PIP5KL1: variants seen among roughly 807,000 people sequenced by gnomAD.
PIP5KL1 encodes the protein phosphatidylinositol 4-phosphate 5-kinase-like protein 1.
Under a neutral mutation model 47.6 loss-of-function variants are expected in PIP5KL1, and 45 were observed. That is an observed-to-expected ratio of 0.94 (90% CI 0.74 to 1.21). The LOEUF (loss-of-function observed/expected upper bound fraction) is 1.21, where lower values mean the gene tolerates loss of function less well. Among genes scored for constraint, PIP5KL1 ranks in the 50% most tolerant of loss-of-function variants. The probability of loss-of-function intolerance (pLI) is 0.00; values close to 1 mark genes in which losing one functional copy is unlikely to be tolerated. For missense variants in PIP5KL1, 577 were observed against 547.6 expected (o/e 1.05, Z -0.54); for synonymous variants, 256 against 234.6 (o/e 1.09, Z -0.84).
chr9:127,923,682 T>G (rs1327845946), intron 9 of PIP5KL1, among the ~76,000 whole-genome samples: 1 of 152,122 alleles, frequency 6.6e-6, no homozygotes, highest in Non-Finnish European at 1.5e-5. Context: ...CTCTGAGGGG[T>G]AGGAACGAGG....
intron 8 of PIP5KL1, 57 bp downstream of exon 8, chr9:127,925,810 T>G: frequency 6.9e-7 from 1 of 1,443,114 alleles, no homozygotes; most frequent in African/African-American, 1.4e-5. Flanking sequence ...AGGGACACCC[T>G]TCTAAACTTC....
At chr9:127,930,057 T>C (rs1831415786) in intron 1 of PIP5KL1, among the ~76,000 whole-genome samples, 172 bp from the exon 2 acceptor site, 1 of 152,210 alleles carries the variant, frequency 6.6e-6, no homozygotes, top group Non-Finnish European at 1.5e-5. Flanking sequence ...ACACAGTGCC[T>C]GGCACGCAGT....
intron 9 of PIP5KL1, among the ~76,000 whole-genome samples, chr9:127,922,694 C>CAAAAAAAAAAAAAAAAAAAAAAA (rs386416269): frequency 4.5e-5 from 4 of 89,416 alleles, no homozygotes; most frequent in Non-Finnish European, 6.2e-5. Context: ...GACTCTGTCT[C>CAAAAAAAAAAAAAAAAAAAAAAA]AAAAAAAAAA....
In PIP5KL1 at chr9:127,925,170, G is replaced by C. The variant is rs1251566541; in HGVS notation, c.854C>G (p.Ala285Gly). 2 of 1,614,168 alleles carry C rather than the reference G, an allele frequency of 1.2e-6. No individual in the cohort carries two copies. Among genetic ancestry groups the C allele is most frequent in the Admixed American group, 3.3e-5 (2 of 60,026 alleles). Residue 285 changes from alanine (A) to glycine (G), a missense_variant, in exon 9 of 10, where the codon GCC becomes GGC. Ala to Gly is a moderately conservative substitution (Grantham distance 60, BLOSUM62 0). Coordinates refer to ENST00000388747, the MANE Select transcript of PIP5KL1 (RefSeq NM_001135219.2). Reference protein sequence around the residue: ...LNVLDYSLLIAFQRLHEDERG... With the variant: ...LNVLDYSLLIGFQRLHEDERG... The stretch of plus-strand genomic sequence containing the variant: ...CTCATCCTCGTGGAGACGTTGGAAG[G>C]CTATCAGGAGGCTGTAATCCAGCAC...
chr9:127,922,119 G>A lies in PIP5KL1; in HGVS notation c.918-5C>T, dbSNP rs539090049. 28 of 1,490,292 alleles carry A rather than the reference G, an allele frequency of 1.9e-5. No individual in the cohort carries two copies. In the South Asian group the frequency reaches 3.2e-4, roughly 17 times the overall value. 92.3% of individuals were successfully genotyped at this position (1,490,292 alleles called of 1,614,324 possible). ...CTCTGTGCCCCTTGCACAGACCTGGGGGCCGACAGGAGGGTGAAGCTGCCA... is the reference window on the plus strand; with the variant it reads ...CTCTGTGCCCCTTGCACAGACCTGGAGGCCGACAGGAGGGTGAAGCTGCCA... On this transcript the variant is annotated splice_polypyrimidine_tract_variant and splice_region_variant and intron_variant, in intron 9 of 9. Transcript: ENST00000388747.
In PIP5KL1 at chr9:127,922,673, C is replaced by A. The variant is rs548717289; in HGVS notation, c.918-559G>T. The stretch of plus-strand genomic sequence containing the variant: ...TCTTGCCATTGTACTCCAGCCTGGG[C>A]AACAGAGCGAGACTCTGTCTCAAAA... On this transcript the variant is annotated intron_variant, in intron 9 of 9. Transcript: ENST00000388747. Among the ~76,000 whole-genome samples the A allele has an allele frequency of 3.0e-5, 3 of 100,356 alleles. No individual in the cohort carries two copies. In the South Asian group the frequency reaches 9.4e-4, roughly 32 times the overall value. The allele number at this position is 100,356 out of a possible 152,430, so 65.8% of individuals were successfully genotyped here.
intron 9 of PIP5KL1, among the ~76,000 whole-genome samples, chr9:127,922,694 CAAAAAAAA>C (rs386416269): frequency 1.1e-5 from 1 of 89,584 alleles, no homozygotes; most frequent in Non-Finnish European, 2.1e-5. Flanking sequence ...GACTCTGTCT[CAAAAAAAA>C]AAAAAAAAAG....
At position 127,927,827 on chromosome 9, in the gene PIP5KL1, C is replaced by T; in HGVS notation, c.435-55G>A. Reference sequence around the variant, plus strand: ...CAGGCCTGGCTGGAGCGGCTCCCACCCGGCCCCCTTCCCCGACCTGTGCAC... The same window carrying T: ...CAGGCCTGGCTGGAGCGGCTCCCACTCGGCCCCCTTCCCCGACCTGTGCAC... On this transcript the variant is annotated intron_variant, in intron 4 of 9. Coordinates refer to ENST00000388747, the MANE Select transcript of PIP5KL1 (RefSeq NM_001135219.2). The surrounding 1 kb of genome is among the most constrained non-coding windows in gnomAD (Gnocchi z 5.5). 1 of 1,526,632 alleles carries T rather than the reference C, an allele frequency of 6.6e-7. No individual in the cohort carries two copies. The highest frequency in any genetic ancestry group is 8.8e-7 in the Non-Finnish European group (1 of 1,141,610). 94.6% of individuals were successfully genotyped at this position (1,526,632 alleles called of 1,614,324 possible).
chr9:127,927,403 A>G lies in PIP5KL1; in HGVS notation c.560-72T>C, dbSNP rs992197309. 2.0e-5 allele frequency: 30 copies of G among 1,536,262 alleles called. No homozygotes were observed. In the African/African-American group the frequency reaches 3.6e-4, roughly 18 times the overall value. On this transcript the variant is annotated intron_variant, in intron 5 of 9. Transcript: ENST00000388747. The surrounding 1 kb of genome is among the most constrained non-coding windows in gnomAD (Gnocchi z 5.5). ...CCGGGGTGCATCCGGCGCCAATCCC[A>G]GCGCCAGGCCACGCCTCCTTCTCAA...
chr9:127,922,155 G>A (rs371958644), intron 9 of PIP5KL1, 41 bp from the exon 10 acceptor site: 2 of 1,453,492 alleles, frequency 1.4e-6, no homozygotes. Context: ...GCTCCTCCAG[G>A]AAGCCCCAGC....
chr9:127,928,254 G>C, intron 3 of PIP5KL1, 35 bp from the exon 4 acceptor site: 1 of 1,527,900 alleles, frequency 6.5e-7, no homozygotes, highest in Non-Finnish European at 8.8e-7. Flanking sequence ...TGGAGTGTCT[G>C]CGTGGGCCCG....
At chr9:127,930,538 G>C (rs1831420602) in intron 1 of PIP5KL1, among the ~76,000 whole-genome samples, 185 bp downstream of exon 1, 1 of 152,254 alleles carries the variant, frequency 6.6e-6, no homozygotes, top group Non-Finnish European at 1.5e-5. Flanking sequence ...GAAGTGTTGA[G>C]GGATATCCGC....
chr9:127,921,692 G>T lies in PIP5KL1; in HGVS notation c.*155C>A. On this transcript the variant is annotated 3_prime_UTR_variant, in exon 10 of 10. Transcript: ENST00000388747. ...GCACGATGCTGGGCACGGCACCACC[G>T]TCAAACGGGACTGCGCGGTTACGGT... 9.2e-7 allele frequency: 1 copy of T among 1,089,732 alleles called. No homozygotes were observed. Among genetic ancestry groups the T allele is most frequent in the Non-Finnish European group, 1.3e-6 (1 of 784,832 alleles). The allele number at this position is 1,089,732 out of a possible 1,614,324, so 67.5% of individuals were successfully genotyped here.
rs1443213051 is a variant in PIP5KL1 at position 127,929,591 on chromosome 9, T to G, written c.228+97A>C. ...TCTGCCTTCCTCCCCTTGATATCCC[T>G]CTCTGATCCCCACACCTGCAGTTTC... On this transcript the variant is annotated intron_variant, in intron 2 of 9. Transcript: ENST00000388747. The surrounding 1 kb of genome is among the most constrained non-coding windows in gnomAD (Gnocchi z 4.0). The G allele has an allele frequency of 8.0e-7, 1 of 1,254,802 alleles. No individual in the cohort carries two copies. Among genetic ancestry groups the G allele is most frequent in the African/African-American group, 1.5e-5 (1 of 65,856 alleles). The allele number at this position is 1,254,802 out of a possible 1,614,324, so 77.7% of individuals were successfully genotyped here. A position where few individuals can be genotyped will look rare whatever the true frequency, so the allele number is the denominator to read the frequency against.
In PIP5KL1 at chr9:127,930,773, G is replaced by T; in HGVS notation, c.-21C>A. 6.5e-7 allele frequency: 1 copy of T among 1,534,886 alleles called. No individual in the cohort carries two copies. Among genetic ancestry groups the T allele is most frequent in the East Asian group, 2.6e-5 (1 of 38,872 alleles). On this transcript the variant is annotated 5_prime_UTR_variant, in exon 1 of 10. Coordinates refer to ENST00000388747, the MANE Select transcript of PIP5KL1 (RefSeq NM_001135219.2). ...GCCATCGCCCCCGCAGCAGCTTCCC[G>T]GGCTTTGGCCGCATTCCCCGCCGCC... is the stretch of plus-strand genomic sequence containing the variant.
Position 127,928,175 on chromosome 9 carries a change from C to A in PIP5KL1, c.324G>T (p.Leu108=). Residue 108 remains leucine (L), a synonymous_variant, in exon 4 of 10, where the codon CTG becomes CTT. Coordinates refer to ENST00000388747, the MANE Select transcript of PIP5KL1 (RefSeq NM_001135219.2). ...GTLAGPAFAW[L]RRSLGLAEED... ...CCTCCGCCAGGCCCAGGGAGCGGCGCAGCCAGGCAAAGGCGGGGCCGGCCA... is the reference window on the plus strand; with the variant it reads ...CCTCCGCCAGGCCCAGGGAGCGGCGAAGCCAGGCAAAGGCGGGGCCGGCCA... 3.2e-6 allele frequency: 5 copies of A among 1,540,624 alleles called. No individual in the cohort carries two copies. The highest frequency in any genetic ancestry group is 4.4e-6 in the Non-Finnish European group (5 of 1,143,872).
Position 127,927,833 on chromosome 9 carries a change from C to G in PIP5KL1, c.435-61G>C. The G allele has an allele frequency of 1.3e-6, 2 of 1,524,268 alleles. No homozygotes were observed. The highest frequency in any genetic ancestry group is 2.5e-5 in the South Asian group (2 of 81,482). 94.4% of individuals were successfully genotyped at this position (1,524,268 alleles called of 1,614,324 possible). A position where few individuals can be genotyped will look rare whatever the true frequency, so the allele number is the denominator to read the frequency against. On this transcript the variant is annotated intron_variant, in intron 4 of 9. Coordinates refer to ENST00000388747, the MANE Select transcript of PIP5KL1 (RefSeq NM_001135219.2). This position sits in a 1 kb window ranked among gnomAD's most constrained non-coding sequence, Gnocchi z 5.5. Reference sequence around the variant, plus strand: ...TGGCTGGAGCGGCTCCCACCCGGCCCCCTTCCCCGACCTGTGCACGTGGAT... The same window carrying G: ...TGGCTGGAGCGGCTCCCACCCGGCCGCCTTCCCCGACCTGTGCACGTGGAT...
intron 8 of PIP5KL1, 148 bp downstream of exon 8, chr9:127,925,719 C>T (rs1588684159): frequency 2.9e-6 from 2 of 689,548 alleles, no homozygotes; most frequent in Non-Finnish European, 5.1e-6. Context: ...CTGTCTCGGC[C>T]TCCCAAAGTG....
chr9:127,926,870 C>T (rs1831369313), intron 7 of PIP5KL1, among the ~76,000 whole-genome samples: 1 of 152,228 alleles, frequency 6.6e-6, no homozygotes, highest in African/African-American at 2.4e-5. Context: ...AGCTGTGTGG[C>T]CTTCTCCTTC....
Sources: gnomAD v4.1 joint callset for allele counts (sites outside exome capture counted in the v4.1 genomes callset) on GRCh38, gnomAD v4.1.1 for gene constraint, Gnocchi (gnomAD v3.1) non-coding constraint, MANE v1.5 for transcripts, NCBI Gene and HGNC (gene_info 2026-07-23, HGNC 2026-07-21) for gene names.